LRBA: variants seen among roughly 807,000 people sequenced by gnomAD.
LRBA encodes the protein LPS responsive beige-like anchor protein, also known as lipopolysaccharide-responsive and beige-like anchor protein.
A neutral mutation model predicts 330.0 loss-of-function variants in LRBA; 176 were observed. The ratio of observed to expected loss-of-function variants is 0.53; its 90% CI spans 0.47 to 0.60. The LOEUF (loss-of-function observed/expected upper bound fraction) is 0.60, where lower values mean the gene tolerates loss of function less well. Among genes scored for constraint, LRBA ranks in the 20% least tolerant of loss-of-function variants. The probability of loss-of-function intolerance (pLI) is 0.00; values close to 1 mark genes in which losing one functional copy is unlikely to be tolerated. For synonymous variants in LRBA, 1,230 were observed against 1,193.0 expected (o/e 1.03, Z -0.64); for missense variants, 3,259 against 3,444.8 (o/e 0.95, Z 1.35).
intron 17 of LRBA, among the ~76,000 whole-genome samples, chr4:150,892,613 G>A (rs544744901): frequency 4.6e-5 from 7 of 152,262 alleles, no homozygotes; most frequent in African/African-American, 7.2e-5. Flanking sequence ...TCCAATCTAC[G>A]GTATTTGATT....
At chr4:150,839,329 C>A (rs941710536) in intron 28 of LRBA, among the ~76,000 whole-genome samples, 1 of 152,190 alleles carries the variant, frequency 6.6e-6, no homozygotes, top group East Asian at 1.9e-4. Context: ...GACAGTGTGG[C>A]GATTCCTCAG....
At chr4:150,773,281 T>C (rs185442070) in intron 34 of LRBA, among the ~76,000 whole-genome samples, 11 of 152,320 alleles carry the variant, frequency 7.2e-5, no homozygotes, top group African/African-American at 2.4e-4. Context: ...GAAAGCCAGA[T>C]ACTCCTGACA....
intron 2 of LRBA, among the ~76,000 whole-genome samples, chr4:150,998,037 CT>C (rs998903422): frequency 3.4e-5 from 5 of 149,146 alleles, no homozygotes; most frequent in Admixed American, 6.7e-5. Flanking sequence ...TATGAAAACT[CT>C]TTTTTTTTTC....
chr4:150,458,152 T>A (rs568079087), intron 44 of LRBA, among the ~76,000 whole-genome samples: 71 of 151,922 alleles, frequency 4.7e-4, no homozygotes, highest in African/African-American at 1.7e-3. Context: ...GAAGATAACT[T>A]CTACAGAAAA....
Position 150,867,260 on chromosome 4 carries a change from G to T in LRBA, c.2766+411C>A, listed in dbSNP as rs570832630. On this transcript the variant is annotated intron_variant, in intron 22 of 56. Coordinates refer to ENST00000651943, the MANE Select transcript of LRBA (RefSeq NM_001364905.1). ...ACAACTGTTCATCTTTGAATATAGTGCGCCACCTTGTGTTCAAAAGCTTTT... is the reference window on the plus strand; with the variant it reads ...ACAACTGTTCATCTTTGAATATAGTTCGCCACCTTGTGTTCAAAAGCTTTT... 2.6e-4 allele frequency among the ~76,000 whole-genome samples: 39 copies of T among 151,914 alleles called. 1 individual carries two copies. The South Asian group carries it at 6.4e-3, about 25-fold the overall frequency.
intron 40 of LRBA, chr4:150,582,193 TTG>T (rs1376137263): frequency 6.6e-6 from 1 of 151,624 alleles, no homozygotes; most frequent in Non-Finnish European, 1.5e-5. Flanking sequence ...AAAACGGATT[TTG>T]TGAGGGCCAA....
At chr4:150,616,808 A>T (rs1775811026) in intron 37 of LRBA, among the ~76,000 whole-genome samples, 1 of 152,230 alleles carries the variant, frequency 6.6e-6, no homozygotes, top group African/African-American at 2.4e-5. Flanking sequence ...GGGGGAAAGC[A>T]TGAATGCAAA....
intron 40 of LRBA, among the ~76,000 whole-genome samples, chr4:150,544,380 G>A (rs929309048): frequency 6.6e-6 from 1 of 151,924 alleles, no homozygotes. Flanking sequence ...CACCCACCTT[G>A]GCCTCCCATA....
At chr4:150,606,828 A>G (rs1204471433) in intron 37 of LRBA, among the ~76,000 whole-genome samples, 3 of 152,226 alleles carry the variant, frequency 2.0e-5, no homozygotes, top group Non-Finnish European at 4.4e-5. Flanking sequence ...GGATTTCATT[A>G]AGATTTCAAT....
intron 37 of LRBA, among the ~76,000 whole-genome samples, chr4:150,604,551 A>C (rs1189201379): frequency 6.6e-6 from 1 of 152,218 alleles, no homozygotes; most frequent in South Asian, 2.1e-4. Context: ...CTGTGGCAAT[A>C]CAAGGATTAT....
At position 150,302,616 on chromosome 4, in the gene LRBA, C is replaced by G. The variant is rs1580951421; in HGVS notation, c.8017+9G>C. The G allele has an allele frequency of 6.3e-7, 1 of 1,592,416 alleles. No homozygotes were observed. The highest frequency in any genetic ancestry group is 2.3e-5 in the East Asian group (1 of 44,280). ...GTAAAAGTTTACTTAAAAAATGAGT[C>G]ATACTTACTGCCTGGGTTATCTCCA... On this transcript the variant is annotated intron_variant, in intron 53 of 56. Coordinates refer to ENST00000651943, the MANE Select transcript of LRBA (RefSeq NM_001364905.1).
chr4:150,939,664 C>A (rs1688325939), intron 2 of LRBA, among the ~76,000 whole-genome samples: 1 of 152,172 alleles, frequency 6.6e-6, no homozygotes, highest in African/African-American at 2.4e-5. Context: ...CCCCAGTAAG[C>A]ATTGTCAAGA....
chr4:150,329,313 G>T (rs559671955), intron 48 of LRBA, among the ~76,000 whole-genome samples: 1 of 152,242 alleles, frequency 6.6e-6, no homozygotes, highest in South Asian at 2.1e-4. Context: ...AGATTGTAAG[G>T]TAATGACTAT....
At chr4:150,272,423 G>T (rs1161750059) in intron 56 of LRBA, among the ~76,000 whole-genome samples, 1 of 152,000 alleles carries the variant, frequency 6.6e-6, no homozygotes, top group Non-Finnish European at 1.5e-5. Context: ...CTTCTCCAAA[G>T]GATTACAACT....
chr4:150,694,476 A>AAAAAAAAAAAAAAAAAC, intron 36 of LRBA, among the ~76,000 whole-genome samples: 1 of 147,194 alleles, frequency 6.8e-6, no homozygotes, highest in Non-Finnish European at 1.5e-5. Flanking sequence ...AAAAAAAAAA[A>AAAAAAAAAAAAAAAAAC]GCTATCTACA....
intron 40 of LRBA, among the ~76,000 whole-genome samples, chr4:150,528,498 CT>C (rs1427259478): frequency 7.5e-5 from 6 of 80,474 alleles, no homozygotes; most frequent in Non-Finnish European, 1.8e-4. Context: ...AAGACTTCAT[CT>C]CAAAAAAAAA....
intron 40 of LRBA, among the ~76,000 whole-genome samples, chr4:150,498,927 GT>G (rs1421799592): frequency 1.3e-5 from 2 of 152,094 alleles, no homozygotes; most frequent in Non-Finnish European, 2.9e-5. Flanking sequence ...CCAGTAAAGA[GT>G]TTTGTCTAAT....
At chr4:150,505,042 T>C (rs1294373193) in intron 40 of LRBA, among the ~76,000 whole-genome samples, 2 of 152,166 alleles carry the variant, frequency 1.3e-5, no homozygotes, top group African/African-American at 2.4e-5. Context: ...TAAATATATA[T>C]GCAACCAATA....
At chr4:150,639,819 G>GTA (rs56731034) in intron 37 of LRBA, among the ~76,000 whole-genome samples, 2 of 4,526 alleles carry the variant, frequency 4.4e-4, no homozygotes, top group African/African-American at 8.2e-4. Context: ...GTGTGTGTGT[G>GTA]TATATATATA....
Sources: allele counts gnomAD v4.1 joint callset (sites outside exome capture counted in the v4.1 genomes callset), GRCh38; gene constraint gnomAD v4.1.1; transcripts MANE v1.5; gene names NCBI Gene and HGNC (gene_info 2026-07-23, HGNC 2026-07-21).